The following OLFM3 variants were observed in gnomAD, a reference collection of about 807,000 sequenced individuals.
The protein encoded by OLFM3 is noelin-3.
A neutral mutation model predicts 48.6 loss-of-function variants in OLFM3; 20 were observed. The observed-to-expected ratio is 0.41, with a 90% CI of 0.29 to 0.60. OLFM3 has a LOEUF of 0.60. Among genes scored for constraint, OLFM3 ranks in the 20% least tolerant of loss-of-function variants. The pLI is 0.28. For missense variants in OLFM3, 437 were observed against 544.3 expected (o/e 0.80, Z 1.96); for synonymous variants, 222 against 198.1 (o/e 1.12, Z -1.01).
At chr1:101,953,113 A>G (rs1036975478) in intron 1 of OLFM3, among the ~76,000 whole-genome samples, 2 of 152,170 alleles carry the variant, frequency 1.3e-5, no homozygotes, top group African/African-American at 4.8e-5. Flanking sequence ...GAAACATTGA[A>G]ATGATAGCAT....
chr1:101,867,724 C>T (rs1408251594), intron 1 of OLFM3, among the ~76,000 whole-genome samples: 1 of 152,170 alleles, frequency 6.6e-6, no homozygotes, highest in Non-Finnish European at 1.5e-5. Flanking sequence ...ATTTCATTTA[C>T]CTATGTCTAT....
intron 1 of OLFM3, among the ~76,000 whole-genome samples, chr1:101,909,186 G>A (rs1159687373): frequency 6.6e-6 from 1 of 152,192 alleles, no homozygotes; most frequent in African/African-American, 2.4e-5. Context: ...ACTCAGCTCA[G>A]TCATTCTGAT....
chr1:101,952,719 G>T (rs1660180584), intron 1 of OLFM3, among the ~76,000 whole-genome samples: 2 of 151,972 alleles, frequency 1.3e-5, no homozygotes, highest in African/African-American at 4.8e-5. Flanking sequence ...TTACCAATGA[G>T]CATTCATTCC....
intron 1 of OLFM3, among the ~76,000 whole-genome samples, chr1:101,931,133 T>C (rs1485577122): frequency 6.6e-6 from 1 of 152,216 alleles, no homozygotes; most frequent in African/African-American, 2.4e-5. Flanking sequence ...TTCCAAGCCA[T>C]CTCAATGGAA....
intron 1 of OLFM3, chr1:101,882,879 C>T (rs1183471516): frequency 6.6e-6 from 1 of 151,862 alleles, no homozygotes; most frequent in Non-Finnish European, 1.5e-5. Context: ...ACCTGTTTTA[C>T]AGTAACAACA....
intron 1 of OLFM3, among the ~76,000 whole-genome samples, chr1:101,962,119 C>T (rs1416396906): frequency 1.3e-5 from 2 of 152,106 alleles, no homozygotes; most frequent in Non-Finnish European, 2.9e-5. Context: ...TTAGTCACTG[C>T]TCATTAGTTA....
At chr1:101,941,827 G>A (rs911747334) in intron 1 of OLFM3, among the ~76,000 whole-genome samples, 2 of 152,260 alleles carry the variant, frequency 1.3e-5, no homozygotes, top group African/African-American at 4.8e-5. Flanking sequence ...AGGCAGCTGT[G>A]TAGTAACTCC....
chr1:101,835,660 A>G (rs1655366031), intron 2 of OLFM3, among the ~76,000 whole-genome samples: 2 of 152,208 alleles, frequency 1.3e-5, no homozygotes, highest in Admixed American at 1.3e-4. Flanking sequence ...TGAAGTCATT[A>G]TTCTGAATGA....
chr1:101,948,478 C>T (rs986200505), intron 1 of OLFM3, among the ~76,000 whole-genome samples: 2 of 150,208 alleles, frequency 1.3e-5, no homozygotes, highest in South Asian at 2.1e-4. Context: ...AGAGAGTTTT[C>T]GCTTAAGACT....
At chr1:101,986,283 A>C (rs187789913) in intron 1 of OLFM3, among the ~76,000 whole-genome samples, 99 of 152,142 alleles carry the variant, frequency 6.5e-4, no homozygotes, top group Non-Finnish European at 1.0e-3. Flanking sequence ...TTTTTGAGAG[A>C]TTGATGTGCC....
At chr1:101,828,389 T>C (rs1321153678) in intron 3 of OLFM3, among the ~76,000 whole-genome samples, 7 of 152,148 alleles carry the variant, frequency 4.6e-5, no homozygotes, top group Non-Finnish European at 1.5e-5. Flanking sequence ...TGAAAAATCA[T>C]TATTGTTATT....
chr1:101,905,715 G>A (rs1269240888), intron 1 of OLFM3, among the ~76,000 whole-genome samples: 1 of 152,102 alleles, frequency 6.6e-6, no homozygotes, highest in Non-Finnish European at 1.5e-5. Flanking sequence ...GGTCATTAAT[G>A]CCTGAAATCA....
At chr1:101,818,850 G>C (rs1290527819) in intron 4 of OLFM3, among the ~76,000 whole-genome samples, 1 of 152,076 alleles carries the variant, frequency 6.6e-6, no homozygotes, top group Non-Finnish European at 1.5e-5. Flanking sequence ...GCAACTTAAA[G>C]CTTTTGATTT....
chr1:101,963,006 C>T (rs933562999), intron 1 of OLFM3, among the ~76,000 whole-genome samples: 4 of 152,194 alleles, frequency 2.6e-5, no homozygotes, highest in Admixed American at 6.5e-5. Context: ...GGGATTTTCA[C>T]GAATTCCCTA....
chr1:101,884,544 A>G (rs929710464), intron 1 of OLFM3, among the ~76,000 whole-genome samples: 2 of 152,176 alleles, frequency 1.3e-5, no homozygotes, highest in East Asian at 3.9e-4. Flanking sequence ...GACATTTATT[A>G]GTAAGGAAGA....
At position 101,902,715 on chromosome 1, in the gene OLFM3, A is replaced by G. The variant is rs193191415; in HGVS notation, c.70-65690T>C. Among the ~76,000 whole-genome samples, 8 of 152,220 alleles carry G rather than the reference A, an allele frequency of 5.3e-5. No homozygotes were observed. The East Asian group carries it at 1.5e-3, about 29-fold the overall frequency. ...ATTTAAAAATAGCTACTATTTGTTT[A>G]GGGGTTACTATTTTCCAGGAACTGT... On this transcript the variant is annotated intron_variant, in intron 1 of 5. Transcript: ENST00000370103.
intron 1 of OLFM3, among the ~76,000 whole-genome samples, chr1:101,886,171 C>G (rs1447776126): frequency 6.6e-6 from 1 of 151,436 alleles, no homozygotes; most frequent in South Asian, 2.1e-4. Context: ...TGAGTTCATG[C>G]AAAAATGAGA....
intron 1 of OLFM3, among the ~76,000 whole-genome samples, chr1:101,881,044 CT>C (rs1657508048): frequency 6.6e-6 from 1 of 151,782 alleles, no homozygotes; most frequent in African/African-American, 2.4e-5. Flanking sequence ...AAGGTTAATA[CT>C]TTTTGGGACA....
At chr1:101,902,358 C>G (rs1255751066) in intron 1 of OLFM3, among the ~76,000 whole-genome samples, 2 of 152,028 alleles carry the variant, frequency 1.3e-5, no homozygotes, top group Non-Finnish European at 2.9e-5. Context: ...AAGATATGAT[C>G]TATTTCCATA....
Sources: gnomAD v4.1 joint callset for allele counts (sites outside exome capture counted in the v4.1 genomes callset) on GRCh38, gnomAD v4.1.1 for gene constraint, MANE v1.5 for transcripts, NCBI Gene and HGNC (gene_info 2026-07-23, HGNC 2026-07-21) for gene names.